Variants in GRIA1 observed in about 807,000 individuals in gnomAD.
The protein encoded by GRIA1 is glutamate receptor 1.
GRIA1 carries 31 observed loss-of-function variants against 99.2 expected under a neutral mutation model. That is an observed-to-expected ratio of 0.31 (90% CI 0.23 to 0.42). The LOEUF is 0.42. Ranked by LOEUF, GRIA1 falls within the 10% of genes least tolerant of loss-of-function variation. The probability of loss-of-function intolerance (pLI) is 1.00; values close to 1 mark genes in which losing one functional copy is unlikely to be tolerated. For missense variants in GRIA1, 782 were observed against 1,157.5 expected, an observed-to-expected ratio of 0.68 and a Z score of 4.71; for synonymous variants, 438 against 432.4, an observed-to-expected ratio of 1.01 and a Z score of -0.16.
At chr5:153,654,767 G>T (rs1410481589) in intron 4 of GRIA1, among the ~76,000 whole-genome samples, 3 of 152,084 alleles carry the variant, frequency 2.0e-5, no homozygotes, top group Non-Finnish European at 4.4e-5. Context: ...ATGTCTCCTT[G>T]CAACAGTGCA....
chr5:153,658,462 A>G (rs1755113289), intron 5 of GRIA1, among the ~76,000 whole-genome samples: 1 of 152,186 alleles, frequency 6.6e-6, no homozygotes, highest in African/African-American at 2.4e-5. Context: ...TACAGCTGCC[A>G]GCTAATAGGA....
rs545914159 is a variant in GRIA1, at chr5:153,715,656, T to C, written c.1823+9589T>C. On this transcript the variant is annotated intron_variant, in intron 11 of 15. Coordinates refer to ENST00000285900, the MANE Select transcript of GRIA1 (RefSeq NM_000827.4). Reference sequence around the variant, plus strand: ...ACACTGTAAATGCTGTTGTTATTGCTGCTGTTGCCATTGTTGCTGTCACCT... The same window carrying C: ...ACACTGTAAATGCTGTTGTTATTGCCGCTGTTGCCATTGTTGCTGTCACCT... 1.3e-3 allele frequency among the ~76,000 whole-genome samples: 200 copies of C among 152,304 alleles called. 2 individuals are homozygous for C. The highest frequency in any genetic ancestry group is 4.4e-3 in the African/African-American group (181 of 41,560).
rs1765525348 is a variant in GRIA1 at position 153,794,655 on chromosome 5, G to A, written c.2305G>A (p.Glu769Lys). 6.2e-7 allele frequency: 1 copy of A among 1,613,470 alleles called. No homozygotes were observed. The highest frequency in any genetic ancestry group is 2.2e-5 in the East Asian group (1 of 44,860). The change falls in exon 14 of 16, where the codon GAG (glutamate) becomes AAG (lysine). Residue 769 changes from glutamate (E) to lysine (K), a missense_variant. Glu to Lys is a moderately conservative substitution (Grantham distance 56). This residue lies in a region of GRIA1 where 119 missense variants were observed against 326.6 expected (regional missense o/e 0.36). Transcript: ENST00000285900. ...PVNLAVLKLN[E>K]QGLLDKLKNK... ...AAACCTGGCAGTGTTAAAACTGAAC[G>A]AGCAGGGGCTTTTGGACAAATTGAA...
At chr5:153,807,918 T>C (rs1766550378) in intron 15 of GRIA1, among the ~76,000 whole-genome samples, 1 of 152,198 alleles carries the variant, frequency 6.6e-6, no homozygotes, top group African/African-American at 2.4e-5. Context: ...TATACGGCTG[T>C]GCTAACATAG....
chr5:153,654,535 T>C (rs923142633), intron 4 of GRIA1, among the ~76,000 whole-genome samples: 1 of 152,174 alleles, frequency 6.6e-6, no homozygotes, highest in Non-Finnish European at 1.5e-5. Context: ...TTAATAAAAC[T>C]ATCATCCCAA....
chr5:153,674,765 C>T (rs560499885), intron 6 of GRIA1, 104 bp downstream of exon 6: 150 of 1,220,862 alleles, frequency 1.2e-4, no homozygotes, highest in Middle Eastern at 2.8e-4. Flanking sequence ...TTTTCTAAAG[C>T]GAACAAATTC....
rs534143642 is a variant in GRIA1 at position 153,522,965 on chromosome 5, G to A, written c.220+28900G>A. On this transcript the variant is annotated intron_variant, in intron 2 of 15. Transcript: ENST00000285900. The stretch of plus-strand genomic sequence containing the variant: ...CTTATTAATTAATGAATTGCCTCTT[G>A]TAGCAGCTCTCCTGTATAAATATCT... Among the ~76,000 whole-genome samples the A allele has an allele frequency of 1.8e-4, 28 of 151,756 alleles. No individual in the cohort carries two copies. The South Asian group carries it at 4.2e-3, about 23-fold the overall frequency.
intron 2 of GRIA1, among the ~76,000 whole-genome samples, chr5:153,575,947 A>G (rs74587885): frequency 0.024 from 3,626 of 152,328 alleles, 81 homozygotes; most frequent in African/African-American, 0.056. Flanking sequence ...AAAGAATTAC[A>G]TTCATCCTGA....
intron 5 of GRIA1, among the ~76,000 whole-genome samples, chr5:153,670,360 G>T (rs931198184): frequency 6.6e-6 from 1 of 152,040 alleles, no homozygotes; most frequent in Non-Finnish European, 1.5e-5. Flanking sequence ...GAAGGAGAGT[G>T]GGTTTAGACC....
chr5:153,490,936 A>C lies in GRIA1; in HGVS notation c.48A>C (p.Val16=), dbSNP rs1168502713. The change falls in exon 1 of 16, where the codon GTA becomes GTC. Residue 16 remains valine, a synonymous_variant. Transcript: ENST00000285900. ...AFFCTGFLGA[V]VGANFPNNIQ... ...TCTGCACCGGTTTCCTAGGCGCGGTAGTAGGTGCCAATTTCCCCAACAATA... is the reference window on the plus strand; with the variant it reads ...TCTGCACCGGTTTCCTAGGCGCGGTCGTAGGTGCCAATTTCCCCAACAATA... 6.2e-7 allele frequency: 1 copy of C among 1,614,160 alleles called. No individual in the cohort carries two copies. Among genetic ancestry groups the C allele is most frequent in the South Asian group, 1.1e-5 (1 of 91,080 alleles).
intron 15 of GRIA1, among the ~76,000 whole-genome samples, chr5:153,809,089 A>G (rs1016258011): frequency 2.0e-5 from 3 of 152,220 alleles, no homozygotes; most frequent in African/African-American, 4.8e-5. Flanking sequence ...TCCTTAATTA[A>G]AGGGATGTGG....
At chr5:153,803,932 T>C (rs1390263846) in intron 15 of GRIA1, among the ~76,000 whole-genome samples, 1 of 152,202 alleles carries the variant, frequency 6.6e-6, no homozygotes, top group African/African-American at 2.4e-5. Flanking sequence ...TATTTAGTTC[T>C]GTACATGAGG....
intron 2 of GRIA1, among the ~76,000 whole-genome samples, chr5:153,536,183 G>A (rs1758554009): frequency 6.6e-6 from 1 of 152,066 alleles, no homozygotes; most frequent in African/African-American, 2.4e-5. Flanking sequence ...ACAATAGCCA[G>A]ATTTCCCTCA....
chr5:153,582,890 C>A (rs1461863320), intron 2 of GRIA1, among the ~76,000 whole-genome samples: 1 of 152,100 alleles, frequency 6.6e-6, no homozygotes, highest in Non-Finnish European at 1.5e-5. Flanking sequence ...CCTTGAACTC[C>A]TGGGCACAGC....
chr5:153,779,023 G>GT (rs1412609300), intron 13 of GRIA1, among the ~76,000 whole-genome samples: 1 of 152,102 alleles, frequency 6.6e-6, no homozygotes, highest in South Asian at 2.1e-4. Flanking sequence ...AATTCTATAT[G>GT]TTTTTTGTTT....
chr5:153,554,824 A>C (rs954587812), intron 2 of GRIA1, among the ~76,000 whole-genome samples: 3 of 152,210 alleles, frequency 2.0e-5, no homozygotes, highest in African/African-American at 7.2e-5. Context: ...AAACTCATCC[A>C]AGTGATTTTG....
intron 2 of GRIA1, among the ~76,000 whole-genome samples, chr5:153,601,459 G>C (rs1416093274): frequency 6.6e-6 from 1 of 152,114 alleles, no homozygotes; most frequent in Non-Finnish European, 1.5e-5. Context: ...TTTGGTTTCT[G>C]ACCTTTTGCT....
intron 2 of GRIA1, among the ~76,000 whole-genome samples, chr5:153,603,539 AAC>A (rs1417902759): frequency 6.6e-6 from 1 of 152,078 alleles, no homozygotes; most frequent in African/African-American, 2.4e-5. Context: ...ATTAAAAAAA[AAC>A]AGTTACCAGT....
intron 13 of GRIA1, among the ~76,000 whole-genome samples, chr5:153,776,394 G>A (rs755672787): frequency 4.6e-5 from 7 of 152,206 alleles, no homozygotes; most frequent in Middle Eastern, 3.4e-3. Context: ...GACAGAAAAT[G>A]GAAAAATACG....
Sources: allele counts gnomAD v4.1 joint callset (sites outside exome capture counted in the v4.1 genomes callset), GRCh38; gene constraint gnomAD v4.1.1; regional missense constraint gnomAD v4.1.1; transcripts MANE v1.5; gene names NCBI Gene and HGNC (gene_info 2026-07-23, HGNC 2026-07-21).